OSBP2: variants seen among roughly 807,000 people sequenced by gnomAD.
OSBP2 encodes oxysterol-binding protein 2.
Under a neutral mutation model 96.0 loss-of-function variants are expected in OSBP2, and 66 were observed. That is an observed-to-expected ratio of 0.69 (90% confidence interval 0.56 to 0.84). OSBP2 has a LOEUF of 0.84. Among genes scored for constraint, OSBP2 ranks in the 40% least tolerant of loss-of-function variants. OSBP2 has a pLI of 0.00. For missense variants in OSBP2, 1,038 were observed against 1,222.7 expected (o/e 0.85, Z 2.25); for synonymous variants, 525 against 520.9 (o/e 1.01, Z -0.11).
chr22:30,843,825 GCCAC>G (rs2038810042), intron 2 of OSBP2, among the ~76,000 whole-genome samples: 2 of 152,132 alleles, frequency 1.3e-5, no homozygotes, highest in South Asian at 4.2e-4. Context: ...CCAGGATCGT[GCCAC>G]TGCACTCCAG....
intron 2 of OSBP2, among the ~76,000 whole-genome samples, chr22:30,841,911 A>G (rs886322738): frequency 4.6e-5 from 7 of 152,102 alleles, no homozygotes; most frequent in African/African-American, 1.7e-4. Context: ...GAACCACTGC[A>G]TTCTAGCCTG....
At chr22:30,730,716 G>GTCTCACTCTC (rs2089736933) in intron 1 of OSBP2, among the ~76,000 whole-genome samples, 4 of 19,962 alleles carry the variant, frequency 2.0e-4, no homozygotes, top group African/African-American at 8.5e-4. Context: ...TCGCTGCCCT[G>GTCTCACTCTC]TCTCTCTCTC....
intron 2 of OSBP2, among the ~76,000 whole-genome samples, chr22:30,856,650 G>C (rs957543081): frequency 3.3e-5 from 5 of 152,016 alleles, no homozygotes; most frequent in Middle Eastern, 3.4e-3. Flanking sequence ...GCCTCCCAAA[G>C]TGCTGAGATT....
At chr22:30,700,425 A>G (rs2089137965) in intron 1 of OSBP2, among the ~76,000 whole-genome samples, 1 of 152,048 alleles carries the variant, frequency 6.6e-6, no homozygotes, top group South Asian at 2.1e-4. Flanking sequence ...TTCTTATCTC[A>G]CAGGGAACAC....
intron 4 of OSBP2, among the ~76,000 whole-genome samples, chr22:30,887,819 A>G (rs2039848676): frequency 6.6e-6 from 1 of 152,236 alleles, no homozygotes; most frequent in Non-Finnish European, 1.5e-5. Flanking sequence ...ACCTAGGTTC[A>G]CATTCTCAAG....
At chr22:30,694,066 C>G (rs1002572714), upstream of OSBP2, 2 of 1,387,396 alleles carry the variant, frequency 1.4e-6, no homozygotes, top group Admixed American at 2.1e-5. Flanking sequence ...GAAAAATGCA[C>G]AGACAGGTAA....
intron 2 of OSBP2, among the ~76,000 whole-genome samples, chr22:30,839,777 T>C (rs1203614056): frequency 6.6e-6 from 1 of 152,012 alleles, no homozygotes; most frequent in East Asian, 1.9e-4. Flanking sequence ...GAAAATTTTC[T>C]CCCATTTTGT....
At chr22:30,887,793 G>T (rs1163269469) in intron 4 of OSBP2, among the ~76,000 whole-genome samples, 175 bp downstream of exon 4, 1 of 152,218 alleles carries the variant, frequency 6.6e-6, no homozygotes. Context: ...TCACCCACTG[G>T]CAACAGTTTG....
In OSBP2 at chr22:30,862,022, T is replaced by A. The variant is rs552654677; in HGVS notation, c.854-8407T>A. Among the ~76,000 whole-genome samples, 86 of 152,334 alleles carry A rather than the reference T, an allele frequency of 5.6e-4. 1 individual carries two copies. In the East Asian group the frequency reaches 0.014, roughly 26 times the overall value. The stretch of plus-strand genomic sequence containing the variant: ...CATCCCAAAAGCCTTCTCAGAGCCC[T>A]ACCTGCAGCCTAAAGTCATCTCCCA... On this transcript the variant is annotated intron_variant, in intron 2 of 13. Transcript: ENST00000332585.
At chr22:30,710,031 T>A (rs187576812) in intron 1 of OSBP2, among the ~76,000 whole-genome samples, 1 of 152,222 alleles carries the variant, frequency 6.6e-6, no homozygotes, top group Non-Finnish European at 1.5e-5. Flanking sequence ...TATGGGCATG[T>A]ACCACCATGC....
At chr22:30,705,453 C>G (rs190686325) in intron 1 of OSBP2, among the ~76,000 whole-genome samples, 1 of 152,124 alleles carries the variant, frequency 6.6e-6, no homozygotes, top group Admixed American at 6.5e-5. Context: ...ACCACCATGC[C>G]CGGCTAATTT....
chr22:30,738,148 T>A (rs1256155718), intron 1 of OSBP2, among the ~76,000 whole-genome samples: 1 of 151,966 alleles, frequency 6.6e-6, no homozygotes, highest in Non-Finnish European at 1.5e-5. Context: ...TTTTCTCTCA[T>A]TTGCTCTCTT....
intron 1 of OSBP2, among the ~76,000 whole-genome samples, chr22:30,725,027 T>A (rs2089618949): frequency 6.7e-6 from 1 of 149,796 alleles, no homozygotes; most frequent in Non-Finnish European, 1.5e-5. Flanking sequence ...CAAAAAAAAA[T>A]TAGCCGGGCG....
At chr22:30,745,216 A>G (rs1432195435) in intron 2 of OSBP2, among the ~76,000 whole-genome samples, 1 of 152,206 alleles carries the variant, frequency 6.6e-6, no homozygotes, top group African/African-American at 2.4e-5. Context: ...TGTGTGCCAG[A>G]AAAAAATACA....
intron 2 of OSBP2, among the ~76,000 whole-genome samples, chr22:30,824,259 C>T (rs556508838): frequency 3.2e-4 from 49 of 152,230 alleles, no homozygotes; most frequent in African/African-American, 9.4e-4. Flanking sequence ...GGGGAGGAGG[C>T]GGCTCAGGAA....
At chr22:30,759,872 T>C (rs1349126625) in intron 2 of OSBP2, among the ~76,000 whole-genome samples, 4 of 152,176 alleles carry the variant, frequency 2.6e-5, no homozygotes, top group African/African-American at 9.7e-5. Flanking sequence ...CTTTTCTTTT[T>C]TTTTTGAGAC....
At chr22:30,824,609 A>C (rs536347982) in intron 2 of OSBP2, among the ~76,000 whole-genome samples, 1 of 152,096 alleles carries the variant, frequency 6.6e-6, no homozygotes, top group Non-Finnish European at 1.5e-5. Flanking sequence ...CGTTATGGGA[A>C]TTGATTGTGT....
intron 2 of OSBP2, among the ~76,000 whole-genome samples, chr22:30,835,283 T>C (rs932286265): frequency 6.6e-6 from 1 of 152,246 alleles, no homozygotes; most frequent in East Asian, 1.9e-4. Context: ...GTTTTAGTTC[T>C]TGCATTTAGA....
chr22:30,854,901 G>A (rs5749178), intron 2 of OSBP2, among the ~76,000 whole-genome samples: 115,668 of 152,148 alleles, frequency 0.76, 45,148 homozygotes, highest in African/African-American at 0.94. Context: ...ACTTACAGTC[G>A]TGGTGGAAGG....
Sources: allele counts gnomAD v4.1 joint callset (sites outside exome capture counted in the v4.1 genomes callset), GRCh38; gene constraint gnomAD v4.1.1; transcripts MANE v1.5; gene names NCBI Gene and HGNC (gene_info 2026-07-23, HGNC 2026-07-21).